Variants in EPSTI1 observed in about 807,000 individuals in gnomAD.
EPSTI1 encodes epithelial stromal interaction 1, also known as epithelial-stromal interaction protein 1.
EPSTI1 carries 66 observed loss-of-function variants against 49.9 expected under a neutral mutation model. That is an observed-to-expected ratio of 1.32 (90% CI 1.08 to 1.62). The LOEUF (loss-of-function observed/expected upper bound fraction) is 1.62, where lower values mean the gene tolerates loss of function less well. EPSTI1 is among the 40% of genes most tolerant of loss of function. EPSTI1 has a pLI of 0.00. For missense variants in EPSTI1, 394 were observed against 365.5 expected (o/e 1.08, Z -0.64); for synonymous variants, 137 against 130.7 (o/e 1.05, Z -0.33).
intron 6 of EPSTI1, among the ~76,000 whole-genome samples, chr13:42,931,253 C>T (rs1377674016): frequency 2.1e-5 from 3 of 143,732 alleles, no homozygotes; most frequent in Non-Finnish European, 4.5e-5. Context: ...GGCCGGACTG[C>T]GGACTGCAGT....
chr13:42,949,009 C>T (rs1364935844), intron 6 of EPSTI1, among the ~76,000 whole-genome samples: 11 of 152,140 alleles, frequency 7.2e-5, no homozygotes, highest in Admixed American at 7.2e-4. Context: ...CTAACCAGCA[C>T]ATTAAAATAG....
chr13:42,891,610 T>A (rs1351349848), intron 10 of EPSTI1, among the ~76,000 whole-genome samples: 1 of 152,242 alleles, frequency 6.6e-6, no homozygotes, highest in East Asian at 1.9e-4. Context: ...CAATTTTTAT[T>A]TCATCAAACG....
At chr13:42,970,509 G>T in intron 2 of EPSTI1, 103 bp downstream of exon 2, 1 of 961,596 alleles carries the variant, frequency 1.0e-6, no homozygotes, top group Non-Finnish European at 1.5e-6. Flanking sequence ...GATGAGATTT[G>T]GTGAGTCTAT....
chr13:42,923,517 T>C (rs373108331), intron 7 of EPSTI1, among the ~76,000 whole-genome samples: 7 of 152,208 alleles, frequency 4.6e-5, no homozygotes, highest in African/African-American at 1.7e-4. Flanking sequence ...GCCAAGATCA[T>C]GCTGCTGCAC....
chr13:42,991,846 T>G (rs2040199811), intron 1 of EPSTI1, 132 bp downstream of exon 1: 387 of 1,008,552 alleles, frequency 3.8e-4, no homozygotes, highest in Non-Finnish European at 5.1e-4. Context: ...TTTAAGCAAA[T>G]GAGCTTTCAT....
At chr13:42,936,592 T>C (rs2038572904) in intron 6 of EPSTI1, among the ~76,000 whole-genome samples, 1 of 152,236 alleles carries the variant, frequency 6.6e-6, no homozygotes, top group Admixed American at 6.5e-5. Flanking sequence ...GAACTCTACA[T>C]GATAGAGCTC....
intron 7 of EPSTI1, among the ~76,000 whole-genome samples, chr13:42,920,047 G>A (rs1357580964): frequency 6.6e-6 from 1 of 152,110 alleles, no homozygotes; most frequent in Non-Finnish European, 1.5e-5. Flanking sequence ...TTGTATGCAT[G>A]CTTCTGTGTC....
At chr13:42,890,300 T>TCTTTTC (rs534485822) in intron 10 of EPSTI1, among the ~76,000 whole-genome samples, 31,272 of 133,320 alleles carry the variant, frequency 0.23, 3,162 homozygotes, top group South Asian at 0.28. Flanking sequence ...TCTTTTCTTT[T>TCTTTTC]TTTTTTTTTT....
Position 42,886,542 on chromosome 13 carries a change from T to A in EPSTI1, c.*1952A>T, listed in dbSNP as rs1380012140. 6.6e-6 allele frequency: 1 copy of A among 152,082 alleles called. No individual in the cohort carries two copies. The highest frequency in any genetic ancestry group is 1.5e-5 in the Non-Finnish European group (1 of 67,994). 9.4% of individuals were successfully genotyped at this position (152,082 alleles called of 1,614,324 possible). ...AGCGGGGGGACATTAAAATTAAGCA[T>A]AGAAATGGTGGAACTTTGGGATTTC... On this transcript the variant is annotated 3_prime_UTR_variant, in exon 11 of 11. Coordinates refer to ENST00000313624, the MANE Select transcript of EPSTI1 (RefSeq NM_033255.5).
intron 6 of EPSTI1, chr13:42,934,402 G>A (rs560322652): frequency 7.7e-5 from 12 of 155,148 alleles, no homozygotes; most frequent in African/African-American, 2.6e-4. Flanking sequence ...TCTGGGCTTG[G>A]AACGCCAGTT....
At chr13:42,985,558 G>A (rs147094830) in intron 1 of EPSTI1, among the ~76,000 whole-genome samples, 18 of 152,276 alleles carry the variant, frequency 1.2e-4, no homozygotes, top group African/African-American at 3.9e-4. Context: ...TGAAAGGACC[G>A]AAGGAAAGAG....
chr13:42,920,130 A>C (rs1475310294), intron 7 of EPSTI1, among the ~76,000 whole-genome samples: 1 of 152,032 alleles, frequency 6.6e-6, no homozygotes, highest in Non-Finnish European at 1.5e-5. Context: ...ATTTTAACTT[A>C]TTTCCTCTGT....
At chr13:42,947,635 A>G (rs1793225812) in intron 6 of EPSTI1, among the ~76,000 whole-genome samples, 1 of 152,164 alleles carries the variant, frequency 6.6e-6, no homozygotes, top group African/African-American at 2.4e-5. Flanking sequence ...GGCAAAACCT[A>G]TCTACATCTA....
intron 8 of EPSTI1, among the ~76,000 whole-genome samples, chr13:42,912,349 T>G (rs781359187): frequency 2.6e-5 from 4 of 152,098 alleles, no homozygotes; most frequent in African/African-American, 9.7e-5. Flanking sequence ...TTGCACTACA[T>G]AGTAGGCAGC....
chr13:42,908,422 G>C (rs2037560182), intron 8 of EPSTI1, among the ~76,000 whole-genome samples: 1 of 150,854 alleles, frequency 6.6e-6, no homozygotes, highest in African/African-American at 2.4e-5. Context: ...AAAGGCAGAG[G>C]CCGCAGTGAG....
At chr13:42,911,264 TGCGCGCGCACGCGCGCACAC>T (rs1344416756) in intron 8 of EPSTI1, among the ~76,000 whole-genome samples, 2,464 of 148,528 alleles carry the variant, frequency 0.017, 33 homozygotes, top group Non-Finnish European at 0.024. Context: ...TGTGTGTGTG[TGCGCGCGCACGCGCGCACAC>T]GTGTGTGAGT....
chr13:42,967,904 C>T (rs185639836), intron 3 of EPSTI1, among the ~76,000 whole-genome samples: 2 of 152,338 alleles, frequency 1.3e-5, no homozygotes, highest in African/African-American at 4.8e-5. Context: ...ACACCCTGTT[C>T]TACTTGCTGG....
At chr13:42,978,015 T>C (rs903966083) in intron 1 of EPSTI1, among the ~76,000 whole-genome samples, 3 of 151,832 alleles carry the variant, frequency 2.0e-5, no homozygotes, top group African/African-American at 7.3e-5. Context: ...TAGCTGGGTG[T>C]AGTGGCGGGC....
At position 42,987,444 on chromosome 13, in the gene EPSTI1, G is replaced by A. The variant is rs568656004; in HGVS notation, c.188+4534C>T. Among the ~76,000 whole-genome samples, 13 of 152,238 alleles carry A rather than the reference G, an allele frequency of 8.5e-5. No homozygotes were observed. In the East Asian group the frequency reaches 1.9e-3, roughly 23 times the overall value. On this transcript the variant is annotated intron_variant, in intron 1 of 10. Coordinates refer to ENST00000313624, the MANE Select transcript of EPSTI1 (RefSeq NM_033255.5). ...TCTTCCTGCTCCCAAGACCAGCTGA[G>A]ACCCCAGCTTTCCTTGCAAGCTTGT... is the stretch of plus-strand genomic sequence containing the variant.
Sources: gnomAD v4.1 joint callset for allele counts (sites outside exome capture counted in the v4.1 genomes callset) on GRCh38, gnomAD v4.1.1 for gene constraint, MANE v1.5 for transcripts, NCBI Gene and HGNC (gene_info 2026-07-23, HGNC 2026-07-21) for gene names.